The following PTPN5 variants were observed in gnomAD, a reference collection of about 807,000 sequenced individuals.
PTPN5 encodes tyrosine-protein phosphatase non-receptor type 5.
In PTPN5, 29 loss-of-function variants were observed where a neutral mutation model predicts 73.9. The ratio of observed to expected loss-of-function variants is 0.39; its 90% CI spans 0.29 to 0.54. The LOEUF is 0.54. PTPN5 is among the 20% of genes least tolerant of loss of function. The pLI is 0.65. For synonymous variants in PTPN5, 267 were observed against 304.7 expected, an observed-to-expected ratio of 0.88 and a Z score of 1.29; for missense variants, 652 against 751.4, an observed-to-expected ratio of 0.87 and a Z score of 1.55.
At chr11:18,773,460 T>A (rs1047447747) in intron 1 of PTPN5, among the ~76,000 whole-genome samples, 8 of 152,060 alleles carry the variant, frequency 5.3e-5, no homozygotes, top group Non-Finnish European at 4.4e-5. Flanking sequence ...GGGCTTCCGC[T>A]GCACCCCACA....
chr11:18,741,387 A>G lies in PTPN5; in HGVS notation c.726-595T>C, dbSNP rs538942781. On this transcript the variant is annotated intron_variant, in intron 7 of 14. Coordinates refer to ENST00000358540, the MANE Select transcript of PTPN5 (RefSeq NM_006906.2). ...CTCTACTATACTCAGAGTCTCAGAC[A>G]CAGGACAGGATGGGGCTTCATTACA... Among the ~76,000 whole-genome samples, 8 of 152,326 alleles carry G rather than the reference A, an allele frequency of 5.3e-5. No individual in the cohort carries two copies. The South Asian group carries it at 1.7e-3, about 32-fold the overall frequency.
In PTPN5 at chr11:18,739,406, A is replaced by G. The variant is rs568803876; in HGVS notation, c.915+1197T>C. 1.2e-4 allele frequency among the ~76,000 whole-genome samples: 19 copies of G among 152,358 alleles called. 1 individual carries two copies. Among genetic ancestry groups the G allele is most frequent in the African/African-American group, 4.3e-4 (18 of 41,586 alleles). ...ATCTGGAGTGAGTGATGATGTGAGC[A>G]AAGGCACAGGAGGAGAAAGGCACGG... is the stretch of plus-strand genomic sequence containing the variant. On this transcript the variant is annotated intron_variant, in intron 8 of 14. Transcript: ENST00000358540.
At chr11:18,789,358 G>T (rs1851810997) in intron 1 of PTPN5, among the ~76,000 whole-genome samples, 2 of 152,100 alleles carry the variant, frequency 1.3e-5, no homozygotes, top group African/African-American at 4.8e-5. Context: ...TCAATCCAAT[G>T]ATGTTATTTT....
chr11:18,732,534 C>T (rs556597743), intron 12 of PTPN5, 58 bp downstream of exon 12: 2 of 1,297,526 alleles, frequency 1.5e-6, no homozygotes, highest in African/African-American at 1.5e-5. Flanking sequence ...TCTGTGGAGC[C>T]CCCAGTTAAG....
intron 8 of PTPN5, chr11:18,740,402 T>A: frequency 2.2e-6 from 1 of 450,236 alleles, no homozygotes; most frequent in Non-Finnish European, 3.9e-6. Context: ...ACAATTCTAT[T>A]ATTTTCATCC....
rs1312674922 is a variant in PTPN5, at chr11:18,729,967, G to A, written c.1330-149C>T. The A allele has an allele frequency of 1.9e-6, 2 of 1,043,706 alleles. No individual in the cohort carries two copies. The highest frequency in any genetic ancestry group is 2.9e-6 in the Non-Finnish European group (2 of 699,592). 64.7% of individuals were successfully genotyped at this position (1,043,706 alleles called of 1,614,324 possible). A position where few individuals can be genotyped will look rare whatever the true frequency, so the allele number is the denominator to read the frequency against. ...TTCACCCTTCCATCTAGGCCACATTGCCCAGTGGCACCAGACACAGACCCA... is the reference window on the plus strand; with the variant it reads ...TTCACCCTTCCATCTAGGCCACATTACCCAGTGGCACCAGACACAGACCCA... On this transcript the variant is annotated intron_variant, in intron 12 of 14. Transcript: ENST00000358540. The surrounding 1 kb of genome is among the most constrained non-coding windows in gnomAD (Gnocchi z 5.2).
At chr11:18,743,690 T>A in intron 4 of PTPN5, 1 of 579,248 alleles carries the variant, frequency 1.7e-6, no homozygotes, top group Admixed American at 3.0e-5. Context: ...ATCAAAAGAG[T>A]AGTCTCCTAG....
In PTPN5 at chr11:18,785,878, C is replaced by T. The variant is rs140020152; in HGVS notation, c.-114+5647G>A. 3.9e-5 allele frequency among the ~76,000 whole-genome samples: 6 copies of T among 152,306 alleles called. No homozygotes were observed. The East Asian group carries it at 1.2e-3, about 29-fold the overall frequency. ...GTGAACAGTTTATCCCTTACATTAG[C>T]CCAAAGTTAGGAATTCCCATGATGC... On this transcript the variant is annotated intron_variant, in intron 1 of 14. Transcript: ENST00000358540.
intron 1 of PTPN5, among the ~76,000 whole-genome samples, chr11:18,790,915 C>T (rs1851889209): frequency 6.6e-6 from 1 of 152,190 alleles, no homozygotes; most frequent in African/African-American, 2.4e-5. Flanking sequence ...ATCTTCTAAG[C>T]CCTGTGATCC....
chr11:18,734,011 C>T (rs1316776141), intron 9 of PTPN5, among the ~76,000 whole-genome samples: 2 of 152,252 alleles, frequency 1.3e-5, no homozygotes, highest in African/African-American at 2.4e-5. Context: ...TGAGTACACA[C>T]TGTCATTGAC....
In PTPN5 at chr11:18,743,962, C is replaced by T; in HGVS notation, c.291+44G>A. 2.6e-6 allele frequency: 4 copies of T among 1,518,112 alleles called. No homozygotes were observed. In the Admixed American group the frequency reaches 9.8e-5, roughly 37 times the overall value. 94.0% of individuals were successfully genotyped at this position (1,518,112 alleles called of 1,614,324 possible). A position where few individuals can be genotyped will look rare whatever the true frequency, so the allele number is the denominator to read the frequency against. On this transcript the variant is annotated intron_variant, in intron 4 of 14. Coordinates refer to ENST00000358540, the MANE Select transcript of PTPN5 (RefSeq NM_006906.2). ...GAGGAAGTGGGAGGCTGGCCCTCCACCCACCCTCTCTCCAGACCCTTGTGA... is the reference window on the plus strand; with the variant it reads ...GAGGAAGTGGGAGGCTGGCCCTCCATCCACCCTCTCTCCAGACCCTTGTGA...
chr11:18,748,084 A>AT (rs1469868022), intron 3 of PTPN5, among the ~76,000 whole-genome samples: 3 of 152,158 alleles, frequency 2.0e-5, no homozygotes, highest in Non-Finnish European at 4.4e-5. Context: ...TGAGAAAAAT[A>AT]TTTTTTTCAA....
At chr11:18,751,928 T>C (rs1010764225) in intron 3 of PTPN5, among the ~76,000 whole-genome samples, 5 of 152,178 alleles carry the variant, frequency 3.3e-5, no homozygotes, top group African/African-American at 1.2e-4. Flanking sequence ...ACTGTAAGGC[T>C]AGGTTATAAG....
At chr11:18,755,864 C>T (rs754331587) in intron 3 of PTPN5, among the ~76,000 whole-genome samples, 6 of 151,916 alleles carry the variant, frequency 3.9e-5, no homozygotes, top group Non-Finnish European at 8.8e-5. Context: ...ACTAGCCAGG[C>T]ATGGTAGCAT....
At chr11:18,739,270 G>A (rs868120164) in intron 8 of PTPN5, among the ~76,000 whole-genome samples, 13 of 152,306 alleles carry the variant, frequency 8.5e-5, no homozygotes, top group Middle Eastern at 3.4e-3. Context: ...AAGACCCACC[G>A]GACAGGAAAT....
intron 1 of PTPN5, among the ~76,000 whole-genome samples, chr11:18,777,422 G>A (rs1851210570): frequency 6.7e-6 from 1 of 149,534 alleles, no homozygotes; most frequent in Non-Finnish European, 1.5e-5. Flanking sequence ...GTAGATCAGG[G>A]CCAGGAAGCT....
At chr11:18,747,617 T>C (rs536311677) in intron 3 of PTPN5, among the ~76,000 whole-genome samples, 1 of 152,336 alleles carries the variant, frequency 6.6e-6, no homozygotes, top group East Asian at 1.9e-4. Context: ...CAGGGATACA[T>C]GCACCCCAGT....
chr11:18,752,459 G>A (rs1327802135), intron 3 of PTPN5, among the ~76,000 whole-genome samples: 1 of 152,190 alleles, frequency 6.6e-6, no homozygotes, highest in Non-Finnish European at 1.5e-5. Flanking sequence ...CCTGGACATG[G>A]GCAGGGGCTT....
chr11:18,735,291 G>T (rs1849064753), intron 9 of PTPN5, among the ~76,000 whole-genome samples: 1 of 152,048 alleles, frequency 6.6e-6, no homozygotes, highest in Non-Finnish European at 1.5e-5. Context: ...TTGTGAAGAG[G>T]GGGTGTAGAG....
Sources: allele counts gnomAD v4.1 joint callset (sites outside exome capture counted in the v4.1 genomes callset), GRCh38; gene constraint gnomAD v4.1.1; non-coding constraint Gnocchi (gnomAD v3.1); transcripts MANE v1.5; gene names NCBI Gene and HGNC (gene_info 2026-07-23, HGNC 2026-07-21).